Variants in MYH13 observed in about 807,000 individuals in gnomAD.
The protein encoded by MYH13 is myosin heavy chain 13.
In MYH13, 177 loss-of-function variants were observed where a neutral mutation model predicts 232.1. That is an observed-to-expected ratio of 0.76 (90% CI 0.67 to 0.86). The LOEUF (loss-of-function observed/expected upper bound fraction) is 0.86, where lower values mean the gene tolerates loss of function less well. Ranked by LOEUF, MYH13 falls within the 40% of genes least tolerant of loss-of-function variation. The probability of loss-of-function intolerance (pLI) is 0.00; values close to 1 mark genes in which losing one functional copy is unlikely to be tolerated. For missense variants in MYH13, 2,246 were observed against 2,405.9 expected, an observed-to-expected ratio of 0.93 and a Z score of 1.39; for synonymous variants, 884 against 923.5, an observed-to-expected ratio of 0.96 and a Z score of 0.78.
rs757453344 is a variant in MYH13, at chr17:10,360,088, A to T, written c.534-17T>A. ...GATTCTCCGCTGCCAATTTAAAAGT[A>T]AACGGGATAAAGGAGAGTGGAAGGG... On this transcript the variant is annotated splice_polypyrimidine_tract_variant and intron_variant, in intron 6 of 40. Coordinates refer to ENST00000252172, the MANE Select transcript of MYH13 (RefSeq NM_003802.3). 1.9e-6 allele frequency: 3 copies of T among 1,614,132 alleles called. No individual in the cohort carries two copies. The Admixed American group carries it at 5.0e-5, about 27-fold the overall frequency.
At chr17:10,367,432 T>C (rs1001915695) in intron 2 of MYH13, among the ~76,000 whole-genome samples, 2 of 152,164 alleles carry the variant, frequency 1.3e-5, no homozygotes, top group African/African-American at 4.8e-5. Context: ...CACTGCAACC[T>C]CCACCTCCCG....
chr17:10,367,443 G>C (rs2071846478), intron 2 of MYH13, among the ~76,000 whole-genome samples: 1 of 152,048 alleles, frequency 6.6e-6, no homozygotes. Context: ...CCACCTCCCG[G>C]GTTCAAGTGA....
At position 10,306,930 on chromosome 17, in the gene MYH13, A is replaced by G. The variant is rs1906309070; in HGVS notation, c.5295+9T>C. 6.2e-7 allele frequency: 1 copy of G among 1,613,032 alleles called. No individual in the cohort carries two copies. Among genetic ancestry groups the G allele is most frequent in the Non-Finnish European group, 8.5e-7 (1 of 1,179,930 alleles). On this transcript the variant is annotated intron_variant, in intron 36 of 40. Transcript: ENST00000252172. The surrounding 1 kb of genome is among the most constrained non-coding windows in gnomAD (Gnocchi z 4.3). The stretch of plus-strand genomic sequence containing the variant: ...AACCCCATCTCTGAAAAGGAAGAAC[A>G]GAGCTCACATCCGTGATGGCCTTCT...
chr17:10,311,932 G>A lies in MYH13; in HGVS notation c.4510C>T (p.Arg1504Ter), dbSNP rs752113103. 21 of 1,613,832 alleles carry A rather than the reference G, an allele frequency of 1.3e-5. No homozygotes were observed. The highest frequency in any genetic ancestry group is 2.7e-5 in the African/African-American group (2 of 74,910). ...TCACCTTGCAGATTTTTGTTCTCTC[G>A]CCTCAGTGTCTCTAACTGGTCCACC... ...EVVDQLETLR[R>*]ENKNLQEEIS... The change falls in exon 32 of 41, where the codon CGA becomes TGA. Residue 1504 changes from arginine to a stop codon, truncating the protein, a stop_gained. Transcript: ENST00000252172. LOFTEE classifies it high-confidence loss of function.
chr17:10,364,216 G>A (rs1002646616), intron 3 of MYH13, 111 bp downstream of exon 3: 4 of 1,144,320 alleles, frequency 3.5e-6, no homozygotes, highest in African/African-American at 3.1e-5. Context: ...GATAAACTAA[G>A]TTTTGTTCTG....
chr17:10,354,692 C>T lies in MYH13; in HGVS notation c.993G>A (p.Leu331=). ...ATGGCATGCTTACATCTGTCGCCAGCAGTTCTTCACTGTCATCGATACTGG... is the reference window on the plus strand; with the variant it reads ...ATGGCATGCTTACATCTGTCGCCAGTAGTTCTTCACTGTCATCGATACTGG... The part of the protein sequence containing the change: ...TVASIDDSEE[L]LATDNAIDIL... The change falls in exon 11 of 41, where the codon CTG becomes CTA. Residue 331 remains leucine, a synonymous_variant. Coordinates refer to ENST00000252172, the MANE Select transcript of MYH13 (RefSeq NM_003802.3). 6.2e-7 allele frequency: 1 copy of T among 1,613,322 alleles called. No homozygotes were observed. Among genetic ancestry groups the T allele is most frequent in the Non-Finnish European group, 8.5e-7 (1 of 1,179,396 alleles).
chr17:10,340,987 T>C (rs943327594), intron 16 of MYH13: 3 of 151,984 alleles, frequency 2.0e-5, no homozygotes, highest in African/African-American at 7.2e-5. Context: ...ATTTGCAAGA[T>C]TGAGATGTCC....
intron 12 of MYH13, among the ~76,000 whole-genome samples, chr17:10,350,019 TC>T (rs2071697066): frequency 6.6e-6 from 1 of 152,124 alleles, no homozygotes; most frequent in Admixed American, 6.6e-5. Context: ...GTGCTCTAGT[TC>T]CAGGCCTCTT....
chr17:10,352,245 C>G (rs1297141363), intron 11 of MYH13, among the ~76,000 whole-genome samples: 1 of 151,978 alleles, frequency 6.6e-6, no homozygotes, highest in East Asian at 1.9e-4. Context: ...ATGAAGTTAC[C>G]AATCAGTTGA....
intron 2 of MYH13, among the ~76,000 whole-genome samples, chr17:10,366,262 C>A (rs1367156859): frequency 6.6e-6 from 1 of 151,968 alleles, no homozygotes; most frequent in East Asian, 1.9e-4. Flanking sequence ...CTTTCCTTCC[C>A]TTCTCTCCTC....
intron 3 of MYH13, among the ~76,000 whole-genome samples, chr17:10,362,943 GA>G (rs1359328368): frequency 6.7e-6 from 1 of 149,478 alleles, no homozygotes; most frequent in Non-Finnish European, 1.5e-5. Flanking sequence ...ATTTTGTTTA[GA>G]AACCTTCAAA....
At position 10,343,910 on chromosome 17, in the gene MYH13, C is replaced by T. The variant is rs776074215; in HGVS notation, c.1784G>A (p.Trp595Ter). The change falls in exon 16 of 41, where the codon TGG becomes TAG. Residue 595 changes from tryptophan (W) to a stop codon, truncating the protein, a stop_gained. Coordinates refer to ENST00000252172, the MANE Select transcript of MYH13 (RefSeq NM_003802.3). LOFTEE classifies it high-confidence loss of function. ...CAGGGGGTCCTTGTTTTTGTCCAGC[C>T]AGCCGGCGATGTTGTAGTCCACGGT... ...AGTVDYNIAG[W>*]LDKNKDPLNE... 6.2e-7 allele frequency: 1 copy of T among 1,614,226 alleles called. No homozygotes were observed. The highest frequency in any genetic ancestry group is 8.5e-7 in the Non-Finnish European group (1 of 1,180,040).
chr17:10,372,503 C>T (rs2071884541), intron 1 of MYH13, among the ~76,000 whole-genome samples: 1 of 152,212 alleles, frequency 6.6e-6, no homozygotes, highest in South Asian at 2.1e-4. Flanking sequence ...TCATATCAGA[C>T]TATGACACTT....
chr17:10,343,976 C>T lies in MYH13; in HGVS notation c.1718G>A (p.Gly573Asp), dbSNP rs1174132017. 4 of 1,614,200 alleles carry T rather than the reference C, an allele frequency of 2.5e-6. No individual in the cohort carries two copies. Among genetic ancestry groups the T allele is most frequent in the Admixed American group, 3.3e-5 (2 of 60,024 alleles). The change falls in exon 16 of 41, where the codon GGC becomes GAC. Residue 573 changes from glycine to aspartate, a missense_variant. Coordinates refer to ENST00000252172, the MANE Select transcript of MYH13 (RefSeq NM_003802.3). ...NNFQKPKPAK[G>D]KAEAHFSLVH... The stretch of plus-strand genomic sequence containing the variant: ...CAGCGAGAAGTGAGCCTCAGCCTTG[C>T]CTTTGGCAGGCTTGGGCTTCTGGAA...
rs1246437095 is a variant in MYH13, at chr17:10,332,238, A to G, written c.2175-16T>C. Reference sequence around the variant, plus strand: ...GATCCGGTACCTAAGGAGAGAGGACATTTCCCAAATGGATTCCAATCCCCG... The same window carrying G: ...GATCCGGTACCTAAGGAGAGAGGACGTTTCCCAAATGGATTCCAATCCCCG... On this transcript the variant is annotated splice_polypyrimidine_tract_variant and intron_variant, in intron 19 of 40. Transcript: ENST00000252172. 6.2e-7 allele frequency: 1 copy of G among 1,612,100 alleles called. No individual in the cohort carries two copies. The highest frequency in any genetic ancestry group is 1.7e-4 in the Middle Eastern group (1 of 6,058).
chr17:10,362,518 G>A lies in MYH13; in HGVS notation c.205-15C>T, dbSNP rs1210673651. ...AGAGTGAGCATCTGGGTATTGAGAG[G>A]AAAAGCAGGTAATAAATTGGTGAGC... On this transcript the variant is annotated splice_polypyrimidine_tract_variant and intron_variant, in intron 3 of 40. Coordinates refer to ENST00000252172, the MANE Select transcript of MYH13 (RefSeq NM_003802.3). The A allele has an allele frequency of 9.9e-6, 16 of 1,613,886 alleles. No homozygotes were observed. The highest frequency in any genetic ancestry group is 1.3e-5 in the African/African-American group (1 of 74,890).
In MYH13 at chr17:10,324,268, A is replaced by G. The variant is rs1420243745; in HGVS notation, c.2692-4T>C. ...CGTCCATCAGATTTTCTGTTTCCTG[A>G]AAGAACCAGGTCATTTTATGTTTTG... On this transcript the variant is annotated splice_polypyrimidine_tract_variant and splice_region_variant and intron_variant, in intron 22 of 40. Coordinates refer to ENST00000252172, the MANE Select transcript of MYH13 (RefSeq NM_003802.3). 6.2e-7 allele frequency: 1 copy of G among 1,613,192 alleles called. No homozygotes were observed. Among genetic ancestry groups the G allele is most frequent in the Admixed American group, 1.7e-5 (1 of 59,868 alleles).
At chr17:10,335,565 C>G (rs55752747) in intron 18 of MYH13, among the ~76,000 whole-genome samples, 29,608 of 151,992 alleles carry the variant, frequency 0.19, 3,235 homozygotes, top group East Asian at 0.51. Context: ...CCACCCTGGC[C>G]AACATGGTGA....
chr17:10,359,715 C>A lies in MYH13; in HGVS notation c.645+245G>T, dbSNP rs568289460. On this transcript the variant is annotated intron_variant, in intron 7 of 40. Transcript: ENST00000252172. ...GATGCTTTCTCTAGGTAGTTAGTAT[C>A]AGAATTGAATTGAATTGTAGGACAC... 7.2e-5 allele frequency among the ~76,000 whole-genome samples: 11 copies of A among 152,196 alleles called. No individual in the cohort carries two copies. The South Asian group carries it at 2.3e-3, about 32-fold the overall frequency.
Sources: allele counts gnomAD v4.1 joint callset (sites outside exome capture counted in the v4.1 genomes callset), GRCh38; gene constraint gnomAD v4.1.1; non-coding constraint Gnocchi (gnomAD v3.1); transcripts MANE v1.5; gene names NCBI Gene and HGNC (gene_info 2026-07-23, HGNC 2026-07-21).